The following PLEKHA1 variants were observed in gnomAD, a reference collection of about 807,000 sequenced individuals.
PLEKHA1 encodes pleckstrin homology domain containing A1, also known as pleckstrin homology domain-containing family A member 1.
Under a neutral mutation model 52.0 loss-of-function variants are expected in PLEKHA1, and 34 were observed. The observed-to-expected ratio is 0.65, with a 90% CI of 0.50 to 0.87. The LOEUF is 0.87. Ranked by LOEUF, PLEKHA1 falls within the 40% of genes least tolerant of loss-of-function variation. PLEKHA1 has a pLI of 0.00. For missense variants in PLEKHA1, 497 were observed against 504.2 expected (o/e 0.99, Z 0.14); for synonymous variants, 163 against 170.7 (o/e 0.95, Z 0.35).
chr10:122,417,823 A>G (rs1347607198), intron 7 of PLEKHA1, 77 bp from the exon 8 acceptor site: 2 of 1,085,586 alleles, frequency 1.8e-6, no homozygotes, highest in Non-Finnish European at 2.8e-6. Context: ...GTGGGTTCAT[A>G]TCAGGGTAAT....
At chr10:122,442,102 C>G in the PLEKHA1 span, 1 of 152,174 alleles carries the variant, frequency 6.6e-6, no homozygotes, top group African/African-American at 2.4e-5. Flanking sequence ...CCATAGCTTC[C>G]CTGTCTGTCC....
chr10:122,404,383 C>A (rs948939543), intron 4 of PLEKHA1, among the ~76,000 whole-genome samples: 4 of 152,032 alleles, frequency 2.6e-5, no homozygotes, highest in African/African-American at 9.7e-5. Context: ...TAGAAAAGAT[C>A]CTTATATATT....
rs758093671 is a variant in PLEKHA1 at position 122,429,684 on chromosome 10, G to A, written c.961G>A (p.Ala321Thr). 1.1e-5 allele frequency: 18 copies of A among 1,614,014 alleles called. No individual in the cohort carries two copies. The highest frequency in any genetic ancestry group is 3.3e-4 in the Middle Eastern group (2 of 6,062). The change falls in exon 12 of 12, where the codon GCC becomes ACC. Residue 321 changes from alanine to threonine, a missense_variant. Coordinates refer to ENST00000368990, the MANE Select transcript of PLEKHA1 (RefSeq NM_001001974.4). Reference protein sequence around the residue: ...HAFRPTNAATATSHSTASRSN... With the variant: ...HAFRPTNAATTTSHSTASRSN... ...TTTCCGTCCTACCAACGCAGCCACCGCCACCTCACATTCCACAGCCTCTCG... is the reference window on the plus strand; with the variant it reads ...TTTCCGTCCTACCAACGCAGCCACCACCACCTCACATTCCACAGCCTCTCG...
chr10:122,435,887 CA>C (rs144739113), downstream of PLEKHA1: 3,266 of 120,068 alleles, frequency 0.027, 110 homozygotes, highest in African/African-American at 0.087. Flanking sequence ...GACACCATCT[CA>C]AAAAAAAAAA....
At chr10:122,442,415 T>A in the PLEKHA1 span, 2 of 151,926 alleles carry the variant, frequency 1.3e-5, no homozygotes, top group Non-Finnish European at 2.9e-5. Flanking sequence ...AGAAAAAAAA[T>A]AAAAATGATT....
At chr10:122,406,277 A>G (rs2097013803) in intron 4 of PLEKHA1, among the ~76,000 whole-genome samples, 1 of 152,338 alleles carries the variant, frequency 6.6e-6, no homozygotes, top group African/African-American at 2.4e-5. Flanking sequence ...TATGTATATG[A>G]TGTTTCATTG....
At chr10:122,440,970 C>T in the PLEKHA1 span, 1 of 152,160 alleles carries the variant, frequency 6.6e-6, no homozygotes, top group Non-Finnish European at 1.5e-5. Context: ...ATGGGCCCCT[C>T]TTAAGTCTGC....
At chr10:122,377,798 A>G (rs2096558706) in intron 1 of PLEKHA1, among the ~76,000 whole-genome samples, 1 of 152,202 alleles carries the variant, frequency 6.6e-6, no homozygotes, top group African/African-American at 2.4e-5. Context: ...TTAAGCAAAC[A>G]TATGTTTGCT....
intron 5 of PLEKHA1, among the ~76,000 whole-genome samples, chr10:122,407,654 T>A (rs1348511375): frequency 6.6e-6 from 1 of 152,202 alleles, no homozygotes; most frequent in Non-Finnish European, 1.5e-5. Flanking sequence ...ATACCTTGCC[T>A]CACCTTTCCC....
intron 5 of PLEKHA1, 31 bp downstream of exon 5, chr10:122,406,704 C>A (rs200035539): frequency 6.9e-7 from 1 of 1,446,064 alleles, no homozygotes; most frequent in Non-Finnish European, 9.7e-7. Context: ...GAAAAACGTT[C>A]GATGTCTGGA....
chr10:122,441,128 C>T, the PLEKHA1 span: 6 of 152,248 alleles, frequency 3.9e-5, no homozygotes, highest in South Asian at 4.1e-4. Flanking sequence ...GGGATTAGGG[C>T]AGGCAATCTG....
At chr10:122,405,890 A>G (rs564531859) in intron 4 of PLEKHA1, among the ~76,000 whole-genome samples, 1 of 152,126 alleles carries the variant, frequency 6.6e-6, no homozygotes, top group Non-Finnish European at 1.5e-5. Flanking sequence ...GGTCAACAAC[A>G]GCAGGAGTCA....
chr10:122,408,675 TC>T (rs1565238196), intron 5 of PLEKHA1, among the ~76,000 whole-genome samples: 1 of 152,136 alleles, frequency 6.6e-6, no homozygotes, highest in African/African-American at 2.4e-5. Context: ...TGAAATAATT[TC>T]CTATGCTTTA....
chr10:122,420,719 A>T (rs1359913968), intron 8 of PLEKHA1: 1 of 152,214 alleles, frequency 6.6e-6, no homozygotes, highest in African/African-American at 2.4e-5. Flanking sequence ...TCCTTCCATC[A>T]ATCTGAAATG....
Position 122,424,220 on chromosome 10 carries a change from A to G in PLEKHA1, c.703A>G (p.Ile235Val). 6.3e-7 allele frequency: 1 copy of G among 1,577,876 alleles called. No individual in the cohort carries two copies. Among genetic ancestry groups the G allele is most frequent in the Admixed American group, 2.0e-5 (1 of 50,816 alleles). ...SELEKEPLRVIPLKEVHKVQE... is the reference protein window; with the variant it reads ...SELEKEPLRVVPLKEVHKVQE... ...CCAGGAAAAGGAACCTCTTCGTGTA[A>G]TACCACTTAAAGAGGTTCATAAAGT... Residue 235 changes from isoleucine to valine, a missense_variant, in exon 9 of 12, where the codon ATA becomes GTA. By Grantham distance (29) the Ile-to-Val change is conservative (BLOSUM62 3). Coordinates refer to ENST00000368990, the MANE Select transcript of PLEKHA1 (RefSeq NM_001001974.4).
At chr10:122,423,752 A>C (rs2097297432) in intron 8 of PLEKHA1, 1 of 157,446 alleles carries the variant, frequency 6.4e-6, no homozygotes, top group South Asian at 1.9e-4. Context: ...GCACTTAGTA[A>C]ACATTCAATT....
At chr10:122,380,837 G>A (rs1412877887) in intron 1 of PLEKHA1, among the ~76,000 whole-genome samples, 2 of 152,092 alleles carry the variant, frequency 1.3e-5, no homozygotes, top group Non-Finnish European at 2.9e-5. Flanking sequence ...AAATTCCCAG[G>A]TAATTCTGAT....
chr10:122,424,158 A>G (rs1188108510), intron 8 of PLEKHA1, 41 bp from the exon 9 acceptor site: 1 of 1,524,836 alleles, frequency 6.6e-7, no homozygotes, highest in Non-Finnish European at 8.8e-7. Context: ...TTAAGAATAA[A>G]CATCATGTAA....
At chr10:122,396,172 T>C (rs1214539341) in intron 2 of PLEKHA1, among the ~76,000 whole-genome samples, 2 of 152,050 alleles carry the variant, frequency 1.3e-5, no homozygotes, top group South Asian at 4.2e-4. Flanking sequence ...TTGTCTTCCT[T>C]CCACAAAGGC....
Sources: gnomAD v4.1 joint callset for allele counts (sites outside exome capture counted in the v4.1 genomes callset) on GRCh38, gnomAD v4.1.1 for gene constraint, MANE v1.5 for transcripts, NCBI Gene and HGNC (gene_info 2026-07-23, HGNC 2026-07-21) for gene names.